The following SPAG9 variants were observed in gnomAD, a reference collection of about 807,000 sequenced individuals.
SPAG9 encodes C-Jun-amino-terminal kinase-interacting protein 4.
A neutral mutation model predicts 166.5 loss-of-function variants in SPAG9; 35 were observed. The ratio of observed to expected loss-of-function variants is 0.21; its 90% CI spans 0.16 to 0.28. The LOEUF (loss-of-function observed/expected upper bound fraction) is 0.28, where lower values mean the gene tolerates loss of function less well. Among genes scored for constraint, SPAG9 ranks in the 10% least tolerant of loss-of-function variants. The pLI, the probability that SPAG9 is intolerant of heterozygous loss-of-function variation, is 1.00. For missense variants in SPAG9, 1,235 were observed against 1,603.3 expected (o/e 0.77, Z 3.92); for synonymous variants, 534 against 565.5 (o/e 0.94, Z 0.79).
intron 3 of SPAG9, among the ~76,000 whole-genome samples, chr17:51,049,887 G>A (rs761733451): frequency 1.3e-5 from 2 of 152,094 alleles, no homozygotes; most frequent in African/African-American, 4.8e-5. Flanking sequence ...TGTGAGCCAC[G>A]GCGCCCAGCC....
At chr17:50,968,161 C>G (rs373011827) in intron 29 of SPAG9, among the ~76,000 whole-genome samples, 7 of 152,222 alleles carry the variant, frequency 4.6e-5, no homozygotes, top group African/African-American at 1.7e-4. Context: ...TTCCTGCTGA[C>G]ATCCCTGGAA....
In SPAG9 at chr17:50,979,780, A is replaced by G; in HGVS notation, c.3375T>C (p.Asp1125=). 1 of 1,613,790 alleles carries G rather than the reference A, an allele frequency of 6.2e-7. No individual in the cohort carries two copies. The highest frequency in any genetic ancestry group is 1.1e-5 in the South Asian group (1 of 91,078). The change falls in exon 26 of 30, where the codon GAT becomes GAC. Residue 1125 remains aspartate (D), a synonymous_variant. Transcript: ENST00000262013. The part of the protein sequence containing the change: ...YHAHTYQHLQ[D]VDIEPYVSKM... ...TGCTTACATAAGGCTCAATGTCCAC[A>G]TCCTGTAGATGTTGATAAGTGTGTG...
chr17:51,041,448 TAAG>T, intron 5 of SPAG9, 50 bp downstream of exon 5: 1 of 1,547,082 alleles, frequency 6.5e-7, no homozygotes, highest in Non-Finnish European at 8.8e-7. Context: ...TCAATTAGGA[TAAG>T]AAAGTTTATG....
intron 1 of SPAG9, among the ~76,000 whole-genome samples, chr17:51,119,837 T>C (rs532751550): frequency 1.3e-5 from 2 of 152,266 alleles, no homozygotes; most frequent in South Asian, 4.1e-4. Context: ...ATAAGACGTC[T>C]TTCTCAACAA....
At chr17:51,047,000 G>A in intron 4 of SPAG9, 2 of 1,266,474 alleles carry the variant, frequency 1.6e-6, no homozygotes, top group Non-Finnish European at 2.0e-6. Flanking sequence ...ACACCAAACA[G>A]ATGGCTAGCT....
At chr17:51,084,388 A>G (rs2048250229) in intron 1 of SPAG9, 1 of 151,902 alleles carries the variant, frequency 6.6e-6, no homozygotes, top group African/African-American at 2.4e-5. Flanking sequence ...AAGTAACCAA[A>G]AAAAAAATTT....
chr17:51,113,604 C>T (rs994086332), intron 1 of SPAG9, among the ~76,000 whole-genome samples: 7 of 149,276 alleles, frequency 4.7e-5, no homozygotes, highest in Middle Eastern at 3.5e-3. Context: ...TGCTTGAACC[C>T]GGGAGGCAGA....
intron 25 of SPAG9, 41 bp from the exon 26 acceptor site, chr17:50,979,958 T>C (rs373008313): frequency 2.2e-5 from 35 of 1,582,938 alleles, no homozygotes; most frequent in East Asian, 2.0e-4. Flanking sequence ...TTTTGCTACA[T>C]AGAATTTCAT....
Position 50,993,412 on chromosome 17 carries a change from C to G in SPAG9, c.2398+352G>C, listed in dbSNP as rs567193132. Among the ~76,000 whole-genome samples, 4 of 151,656 alleles carry G rather than the reference C, an allele frequency of 2.6e-5. No individual in the cohort carries two copies. In the South Asian group the frequency reaches 8.3e-4, roughly 32 times the overall value. ...TCCTTTTTATGGCTGAATAATATTC[C>G]AACATATGGATATATCACATACACT... is the stretch of plus-strand genomic sequence containing the variant. On this transcript the variant is annotated intron_variant, in intron 19 of 29. Coordinates refer to ENST00000262013, the MANE Select transcript of SPAG9 (RefSeq NM_001130528.3).
intron 26 of SPAG9, among the ~76,000 whole-genome samples, chr17:50,978,555 A>T (rs1974355234): frequency 6.6e-6 from 1 of 152,198 alleles, no homozygotes; most frequent in Admixed American, 6.5e-5. Context: ...TCTGTAGGGG[A>T]GAGATTATAA....
At chr17:51,065,537 A>G (rs933232750) in intron 2 of SPAG9, among the ~76,000 whole-genome samples, 1 of 152,242 alleles carries the variant, frequency 6.6e-6, no homozygotes, top group African/African-American at 2.4e-5. Context: ...TTCACAGTAG[A>G]AAGAATAGGC....
rs182916231 is a variant in SPAG9, at chr17:51,021,276, A to G, written c.873T>C (p.Asp291=). ...ANSDVATIPT[D]TPLKEENEGF... is the part of the protein sequence containing the mutation. ...CTTCGTTTTCTTCCTTTAAGGGAGT[A>G]TCAGTAGGAATTGTTGCCACATCTG... The change falls in exon 7 of 30, where the codon GAT becomes GAC. Residue 291 remains aspartate, a synonymous_variant. Transcript: ENST00000262013. 31 of 1,614,142 alleles carry G rather than the reference A, an allele frequency of 1.9e-5. No individual in the cohort carries two copies. In the East Asian group the frequency reaches 6.5e-4, roughly 34 times the overall value.
At position 51,003,311 on chromosome 17, in the gene SPAG9, G is replaced by T. The variant is rs570417246; in HGVS notation, c.1477-1466C>A. 2.6e-5 allele frequency among the ~76,000 whole-genome samples: 4 copies of T among 152,174 alleles called. No homozygotes were observed. The East Asian group carries it at 7.7e-4, about 29-fold the overall frequency. On this transcript the variant is annotated intron_variant, in intron 12 of 29. Transcript: ENST00000262013. ...CAGATTTTAAACTAAAACCAAAATT[G>T]TTATCTACATAGATTTAATACACTA...
chr17:51,057,519 T>C (rs2047394369), intron 2 of SPAG9, among the ~76,000 whole-genome samples: 1 of 152,194 alleles, frequency 6.6e-6, no homozygotes, highest in African/African-American at 2.4e-5. Context: ...AGCAGATAAA[T>C]GAATGTTTTA....
chr17:51,021,472 T>C (rs1025193527), intron 6 of SPAG9, 107 bp from the exon 7 acceptor site: 34 of 1,002,470 alleles, frequency 3.4e-5, no homozygotes, highest in Non-Finnish European at 4.7e-5. Context: ...TATTTTTTTT[T>C]CCAAAATAAA....
At chr17:51,060,219 TA>T (rs1425943141) in intron 2 of SPAG9, among the ~76,000 whole-genome samples, 2 of 152,084 alleles carry the variant, frequency 1.3e-5, no homozygotes, top group East Asian at 3.9e-4. Flanking sequence ...AGAAGATAAT[TA>T]AGGGCCGGGC....
intron 6 of SPAG9, among the ~76,000 whole-genome samples, chr17:51,027,894 A>C (rs2144260638): frequency 6.6e-6 from 1 of 152,292 alleles, no homozygotes; most frequent in Non-Finnish European, 1.5e-5. Flanking sequence ...CTCTAGAAGA[A>C]GGCACTGTCA....
intron 20 of SPAG9, chr17:50,990,194 A>AT (rs1165765131): frequency 5.8e-6 from 3 of 518,578 alleles, no homozygotes; most frequent in Non-Finnish European, 1.0e-5. Flanking sequence ...CGCCCGGTTA[A>AT]TTTTTTGTAC....
rs757277516 is a variant in SPAG9, at chr17:51,055,601, A to C, written c.495+811T>G. On this transcript the variant is annotated intron_variant, in intron 3 of 29. Transcript: ENST00000262013. ...TCACACAAACTAGGGAGAAAAAAAA[A>C]CAAACAAAAAAACGGGCTAAGACTG... is the stretch of plus-strand genomic sequence containing the variant. Among the ~76,000 whole-genome samples the C allele has an allele frequency of 1.5e-3, 230 of 152,212 alleles. 1 individual carries two copies. The highest frequency in any genetic ancestry group is 2.7e-3 in the Non-Finnish European group (185 of 68,008).
Sources: gnomAD v4.1 joint callset for allele counts (sites outside exome capture counted in the v4.1 genomes callset) on GRCh38, gnomAD v4.1.1 for gene constraint, MANE v1.5 for transcripts, NCBI Gene and HGNC (gene_info 2026-07-23, HGNC 2026-07-21) for gene names.